Variants in FBXO41 observed in about 807,000 individuals in gnomAD.
FBXO41 encodes the protein F-box only protein 41.
Under a neutral mutation model 81.6 loss-of-function variants are expected in FBXO41, and 33 were observed. The ratio of observed to expected loss-of-function variants is 0.40; its 90% CI spans 0.31 to 0.54. The LOEUF is 0.54. FBXO41 is among the 20% of genes least tolerant of loss of function. The pLI, the probability that FBXO41 is intolerant of heterozygous loss-of-function variation, is 0.39. For synonymous variants in FBXO41, 576 were observed against 552.7 expected, an observed-to-expected ratio of 1.04 and a Z score of -0.59; for missense variants, 1,107 against 1,236.0, an observed-to-expected ratio of 0.90 and a Z score of 1.56.
At chr2:73,263,367 C>G in intron 8 of FBXO41, 59 bp from the exon 9 acceptor site, 2 of 1,317,070 alleles carry the variant, frequency 1.5e-6, no homozygotes, top group Non-Finnish European at 2.0e-6. Flanking sequence ...GTAATCCCAA[C>G]ACTTTGGGAG....
Position 73,269,388 on chromosome 2 carries a change from T to TCGCCGGG in FBXO41, c.236_242dup (p.Glu82ProfsTer47). On this transcript the variant is annotated frameshift_variant, in exon 2 of 13. Transcript: ENST00000520530. LOFTEE classifies it high-confidence loss of function. The surrounding 1 kb of genome is among the most constrained non-coding windows in gnomAD (Gnocchi z 7.0). ...GGAAGGAAGTGCTCTCGAAGACCTC[T>TCGCCGGG]CGCCGGGCGCCGGGCACGGCCAGCA... is the stretch of plus-strand genomic sequence containing the variant. The TCGCCGGG allele has an allele frequency of 6.8e-7, 1 of 1,474,454 alleles. No individual in the cohort carries two copies. Among genetic ancestry groups the TCGCCGGG allele is most frequent in the Non-Finnish European group, 9.0e-7 (1 of 1,117,098 alleles). 91.3% of individuals were successfully genotyped at this position (1,474,454 alleles called of 1,614,324 possible).
Position 73,259,337 on chromosome 2 carries a change from G to A in FBXO41, c.2450-41C>T. 1 of 1,500,756 alleles carries A rather than the reference G, an allele frequency of 6.7e-7. No homozygotes were observed. The highest frequency in any genetic ancestry group is 9.3e-7 in the Non-Finnish European group (1 of 1,077,132). The allele number at this position is 1,500,756 out of a possible 1,614,324, so 93.0% of individuals were successfully genotyped here. On this transcript the variant is annotated intron_variant, in intron 11 of 12. Transcript: ENST00000520530. The surrounding 1 kb of genome is among the most constrained non-coding windows in gnomAD (Gnocchi z 4.2). Reference sequence around the variant, plus strand: ...CAAAGTAGGGGCGTGTTTGGCCTGGGCTGTGGAGCTGCCTCCTCTCCTCTC... The same window carrying A: ...CAAAGTAGGGGCGTGTTTGGCCTGGACTGTGGAGCTGCCTCCTCTCCTCTC...
chr2:73,269,189 G>T lies in FBXO41; in HGVS notation c.442C>A (p.Arg148Ser). Residue 148 changes from arginine to serine, a missense_variant, in exon 2 of 13, where the codon CGC becomes AGC. This residue lies in a region of FBXO41 where 771 missense variants were observed against 789.2 expected (regional missense o/e 0.98). Coordinates refer to ENST00000520530, the MANE Select transcript of FBXO41 (RefSeq NM_001371389.2). The surrounding 1 kb of genome is among the most constrained non-coding windows in gnomAD (Gnocchi z 7.0). ...VPAAAARYAL[R>S]EIEIPLGELF... is the part of the protein sequence containing the mutation. ...TCCCCCAGCGGGATCTCGATCTCGCGCAGCGCATAGCGCGCTGCTGCGGCG... is the reference window on the plus strand; with the variant it reads ...TCCCCCAGCGGGATCTCGATCTCGCTCAGCGCATAGCGCGCTGCTGCGGCG... The T allele has an allele frequency of 1.3e-6, 2 of 1,528,122 alleles. No homozygotes were observed. 94.7% of individuals were successfully genotyped at this position (1,528,122 alleles called of 1,614,324 possible).
rs964274802 is a variant in FBXO41 at position 73,263,733 on chromosome 2, G to A, written c.2020C>T (p.Arg674Cys). 1.2e-6 allele frequency: 2 copies of A among 1,613,980 alleles called. No individual in the cohort carries two copies. Among genetic ancestry groups the A allele is most frequent in the Non-Finnish European group, 1.7e-6 (2 of 1,179,894 alleles). Residue 674 changes from arginine to cysteine, a missense_variant, in exon 8 of 13, where the codon CGC (arginine) becomes TGC (cysteine). Arg to Cys is a radical substitution (Grantham distance 180). Transcript: ENST00000520530. ...TAGCAGCTGGCCAGCCAGAGCGAGCGGTCGGTGAGGATGTTTGGACAGTGG... is the reference window on the plus strand; with the variant it reads ...TAGCAGCTGGCCAGCCAGAGCGAGCAGTCGGTGAGGATGTTTGGACAGTGG... The part of the protein sequence containing the change: ...ISHCPNILTD[R>C]SLWLASCYCR...
rs1688433601 is a variant in FBXO41, at chr2:73,269,799, G to A, written c.-138-31C>T. On this transcript the variant is annotated intron_variant, in intron 1 of 12. Transcript: ENST00000520530. The surrounding 1 kb of genome is among the most constrained non-coding windows in gnomAD (Gnocchi z 7.0). The stretch of plus-strand genomic sequence containing the variant: ...AGAGACGCGATGAGTCTTAGGAAGA[G>A]GGTATCGCTGCTCCCACCCTGGCTC... The A allele has an allele frequency of 3.9e-6, 1 of 259,088 alleles. No individual in the cohort carries two copies. The highest frequency in any genetic ancestry group is 1.6e-4 in the South Asian group (1 of 6,232). 16.0% of individuals were successfully genotyped at this position (259,088 alleles called of 1,614,324 possible). A position where few individuals can be genotyped will look rare whatever the true frequency, so the allele number is the denominator to read the frequency against.
intron 9 of FBXO41, among the ~76,000 whole-genome samples, chr2:73,261,830 C>T (rs2103856176): frequency 6.6e-6 from 1 of 152,298 alleles, no homozygotes; most frequent in South Asian, 2.1e-4. Flanking sequence ...TCTCTGGCAT[C>T]TATTATGCAT....
chr2:73,275,261 C>T (rs1159395387), intron 1 of FBXO41, among the ~76,000 whole-genome samples: 1 of 151,786 alleles, frequency 6.6e-6, no homozygotes, highest in Non-Finnish European at 1.5e-5. Context: ...TGGCTCACTG[C>T]AACCTCCGCC....
chr2:73,278,120 G>C (rs1445478837), intron 1 of FBXO41, among the ~76,000 whole-genome samples: 1 of 152,106 alleles, frequency 6.6e-6, no homozygotes, highest in East Asian at 1.9e-4. Context: ...TGTCCCTCTG[G>C]GATCCCATGC....
intron 2 of FBXO41, among the ~76,000 whole-genome samples, chr2:73,268,498 A>G (rs1688362341): frequency 6.6e-6 from 1 of 152,210 alleles, no homozygotes; most frequent in Admixed American, 6.5e-5. Flanking sequence ...AGGACAGAGA[A>G]CGAGAAAGGC....
Position 73,266,873 on chromosome 2 carries a change from G to A in FBXO41, c.906-191C>T. ...ATGACACATACAGAAATGCATGCAT[G>A]CACTCCGAGCCACACACTCACACCC... On this transcript the variant is annotated intron_variant, in intron 2 of 12. Coordinates refer to ENST00000520530, the MANE Select transcript of FBXO41 (RefSeq NM_001371389.2). The surrounding 1 kb of genome is among the most constrained non-coding windows in gnomAD (Gnocchi z 5.3). 1.2e-6 allele frequency: 1 copy of A among 852,328 alleles called. No homozygotes were observed. Among genetic ancestry groups the A allele is most frequent in the Non-Finnish European group, 1.6e-6 (1 of 612,212 alleles). The allele number at this position is 852,328 out of a possible 1,614,324, so 52.8% of individuals were successfully genotyped here.
At position 73,269,288 on chromosome 2, in the gene FBXO41, G is replaced by A. The variant is rs1324541657; in HGVS notation, c.343C>T (p.Leu115Phe). 3 of 1,530,838 alleles carry A rather than the reference G, an allele frequency of 2.0e-6. No individual in the cohort carries two copies. The highest frequency in any genetic ancestry group is 1.4e-5 in the African/African-American group (1 of 69,956). The allele number at this position is 1,530,838 out of a possible 1,614,324, so 94.8% of individuals were successfully genotyped here. A position where few individuals can be genotyped will look rare whatever the true frequency, so the allele number is the denominator to read the frequency against. The change falls in exon 2 of 13, where the codon CTC (leucine) becomes TTC (phenylalanine). Residue 115 changes from leucine (L) to phenylalanine (F), a missense_variant. Physicochemically the swap from Leu to Phe is conservative, Grantham distance 22. Around this residue, in one of 2 missense-constraint regions of FBXO41, gnomAD observed 771 missense variants for 789.2 expected, o/e 0.98. Coordinates refer to ENST00000520530, the MANE Select transcript of FBXO41 (RefSeq NM_001371389.2). The surrounding 1 kb of genome is among the most constrained non-coding windows in gnomAD (Gnocchi z 7.0). The stretch of plus-strand genomic sequence containing the variant: ...ACCAGGTCGCCGGGGAAGTGGGCGA[G>A]GGGAGCGTGGTGATGGTGGTGGTGC... Reference protein sequence around the residue: ...LLHHHHHHAPLAHFPGDLVPA... With the variant: ...LLHHHHHHAPFAHFPGDLVPA...
intron 8 of FBXO41, 83 bp downstream of exon 8, chr2:73,263,595 G>C (rs1452976252): frequency 5.2e-6 from 8 of 1,541,166 alleles, no homozygotes; most frequent in Non-Finnish European, 7.0e-6. Context: ...TGAGAACCCT[G>C]GGGGAGGCTA....
At chr2:73,264,856 C>T (rs1465396200) in intron 5 of FBXO41, among the ~76,000 whole-genome samples, 1 of 152,036 alleles carries the variant, frequency 6.6e-6, no homozygotes, top group East Asian at 1.9e-4. Context: ...CCTCTGGAAA[C>T]AGAAGGCAGG....
intron 2 of FBXO41, among the ~76,000 whole-genome samples, chr2:73,267,111 C>T (rs535716157): frequency 6.6e-6 from 1 of 152,242 alleles, no homozygotes; most frequent in Admixed American, 6.5e-5. Flanking sequence ...TCCTTCGATA[C>T]CCAGCATCCC....
At chr2:73,271,316 C>G (rs1160556536) in intron 1 of FBXO41, 1 of 251,050 alleles carries the variant, frequency 4.0e-6, no homozygotes, top group African/African-American at 2.2e-5. Flanking sequence ...TCTCAGTCCA[C>G]ATGGTCTTGG....
At position 73,269,540 on chromosome 2, in the gene FBXO41, A is replaced by T; in HGVS notation, c.91T>A (p.Tyr31Asn). 7.3e-7 allele frequency: 1 copy of T among 1,363,076 alleles called. No homozygotes were observed. Among genetic ancestry groups the T allele is most frequent in the African/African-American group, 1.5e-5 (1 of 65,006 alleles). 84.4% of individuals were successfully genotyped at this position (1,363,076 alleles called of 1,614,324 possible). A position where few individuals can be genotyped will look rare whatever the true frequency, so the allele number is the denominator to read the frequency against. ...TAGAGCGTCTCGTAGGTGTGGCTGT[A>T]CTCCAGGTGCGCGCGCAGCGACGAC... ...SLSSLRAHLEYSHTYETLYIL... is the reference protein window; with the variant it reads ...SLSSLRAHLENSHTYETLYIL... Residue 31 changes from tyrosine to asparagine, a missense_variant, in exon 2 of 13, where the codon TAC becomes AAC. Coordinates refer to ENST00000520530, the MANE Select transcript of FBXO41 (RefSeq NM_001371389.2). The surrounding 1 kb of genome is among the most constrained non-coding windows in gnomAD (Gnocchi z 7.0).
Position 73,265,505 on chromosome 2 carries a change from G to A in FBXO41, c.1341C>T (p.Ala447=), listed in dbSNP as rs775522834. Residue 447 remains alanine, a synonymous_variant, in exon 5 of 13, where the codon GCC becomes GCT. Coordinates refer to ENST00000520530, the MANE Select transcript of FBXO41 (RefSeq NM_001371389.2). ...PGGLGTRAQA[A]NGGSERSQPP... Reference sequence around the variant, plus strand: ...GCTGGGACCGCTCTGAGCCCCCGTTGGCAGCCTGGGCCCGTGTGCCCAAGC... The same window carrying A: ...GCTGGGACCGCTCTGAGCCCCCGTTAGCAGCCTGGGCCCGTGTGCCCAAGC... 4 of 1,596,222 alleles carry A rather than the reference G, an allele frequency of 2.5e-6. No individual in the cohort carries two copies. Among genetic ancestry groups the A allele is most frequent in the Non-Finnish European group, 3.4e-6 (4 of 1,174,198 alleles).
At position 73,278,436 on chromosome 2, in the gene FBXO41, TC is replaced by T. The variant is rs369509479; in HGVS notation, c.-139+5723del. Among the ~76,000 whole-genome samples the T allele has an allele frequency of 2.6e-4, 40 of 152,356 alleles. 1 individual carries two copies. Among genetic ancestry groups the T allele is most frequent in the African/African-American group, 9.4e-4 (39 of 41,594 alleles). ...CCTAGATTTCTCTCCTAAGCTCTAT[TC>T]AAACACGAATTTATTCTATATCTAT... On this transcript the variant is annotated intron_variant, in intron 1 of 12. Transcript: ENST00000520530.
chr2:73,265,357 C>T lies in FBXO41; in HGVS notation c.1489G>A (p.Glu497Lys), dbSNP rs1173305778. The T allele has an allele frequency of 1.2e-6, 2 of 1,612,082 alleles. No individual in the cohort carries two copies. Among genetic ancestry groups the T allele is most frequent in the Non-Finnish European group, 1.7e-6 (2 of 1,179,776 alleles). ...SDVGSRTTESEAEGPLDAPRP... is the reference protein window; with the variant it reads ...SDVGSRTTESKAEGPLDAPRP... ...GGCGCATCCAACGGGCCCTCAGCCT[C>T]TGACTCAGTGGTTCGGGAGCCAACG... Residue 497 changes from glutamate to lysine, a missense_variant, in exon 5 of 13, where the codon GAG becomes AAG. By Grantham distance (56) the Glu-to-Lys change is moderately conservative (BLOSUM62 1). Coordinates refer to ENST00000520530, the MANE Select transcript of FBXO41 (RefSeq NM_001371389.2).
Sources: gnomAD v4.1 joint callset for allele counts (sites outside exome capture counted in the v4.1 genomes callset) on GRCh38, gnomAD v4.1.1 for gene constraint, gnomAD v4.1.1 regional missense constraint, Gnocchi (gnomAD v3.1) non-coding constraint, MANE v1.5 for transcripts, NCBI Gene and HGNC (gene_info 2026-07-23, HGNC 2026-07-21) for gene names.